The following NDRG2 variants were observed in gnomAD, a reference collection of about 807,000 sequenced individuals.
NDRG2 encodes the protein protein NDRG2.
In NDRG2, 34 loss-of-function variants were observed where a neutral mutation model predicts 58.2. That is an observed-to-expected ratio of 0.58 (90% CI 0.44 to 0.78). NDRG2 has a LOEUF of 0.78. Among genes scored for constraint, NDRG2 ranks in the 30% least tolerant of loss-of-function variants. The pLI, the probability that NDRG2 is intolerant of heterozygous loss-of-function variation, is 0.00. For synonymous variants in NDRG2, 187 were observed against 175.9 expected (o/e 1.06, Z -0.50); for missense variants, 434 against 471.2 (o/e 0.92, Z 0.73).
intron 3 of NDRG2, 84 bp downstream of exon 3, chr14:21,022,780 A>C: frequency 7.3e-7 from 1 of 1,376,242 alleles, no homozygotes; most frequent in South Asian, 1.3e-5. Flanking sequence ...CAAAGAGAGA[A>C]GAGAGGGCCA....
chr14:21,043,286 C>T (rs763258874), intron 1 of NDRG2: 39 of 1,614,096 alleles, frequency 2.4e-5, no homozygotes, highest in Non-Finnish European at 3.2e-5. Flanking sequence ...AAAACTGCCA[C>T]CAGAGCCACG....
At chr14:21,065,504 TGTG>T (rs1886215017) in intron 1 of NDRG2, among the ~76,000 whole-genome samples, 1 of 152,160 alleles carries the variant, frequency 6.6e-6, no homozygotes, top group Non-Finnish European at 1.5e-5. Context: ...TTAAATTATA[TGTG>T]GTAGAAAGGT....
In NDRG2 at chr14:21,022,735, G is replaced by T. The variant is rs141779232; in HGVS notation, c.117+129C>A. The T allele has an allele frequency of 1.4e-5, 12 of 859,706 alleles. No individual in the cohort carries two copies. The East Asian group carries it at 2.9e-4, about 21-fold the overall frequency. The allele number at this position is 859,706 out of a possible 1,614,324, so 53.3% of individuals were successfully genotyped here. On this transcript the variant is annotated intron_variant, in intron 3 of 15. Coordinates refer to ENST00000556147, the MANE Select transcript of NDRG2 (RefSeq NM_001320329.2). ...GGGAAGGAAGGAGAGGGGAGAGATA[G>T]GGAAGGGAAAGGACTAGAATAGAAG...
intron 1 of NDRG2, among the ~76,000 whole-genome samples, chr14:21,056,683 GA>G (rs568203229): frequency 1.5e-4 from 23 of 152,336 alleles, no homozygotes; most frequent in African/African-American, 5.5e-4. Flanking sequence ...GCTCCTATGG[GA>G]AACTCTTTCC....
chr14:21,054,359 C>CAT (rs1189920513), intron 1 of NDRG2, among the ~76,000 whole-genome samples: 1 of 151,926 alleles, frequency 6.6e-6, no homozygotes, highest in Non-Finnish European at 1.5e-5. Context: ...CACACACACA[C>CAT]ACACTGCTGA....
upstream of NDRG2, among the ~76,000 whole-genome samples, chr14:21,027,874 G>A (rs1156362374): frequency 6.6e-6 from 1 of 152,216 alleles, no homozygotes. Flanking sequence ...ACTTGAGTGG[G>A]AGTGAGGGGC....
intron 1 of NDRG2, chr14:21,057,809 T>C: frequency 5.8e-6 from 7 of 1,215,560 alleles, no homozygotes; most frequent in South Asian, 1.4e-5. Context: ...TATGAAATTC[T>C]TAGAAGGACT....
chr14:21,062,958 A>G (rs1226659526), intron 1 of NDRG2, among the ~76,000 whole-genome samples: 1 of 151,592 alleles, frequency 6.6e-6, no homozygotes, highest in East Asian at 1.9e-4. Context: ...TAAAAAAAAA[A>G]AAAAAAAAAT....
intron 1 of NDRG2, among the ~76,000 whole-genome samples, chr14:21,062,708 A>AGTGTGTGT (rs71416997): frequency 0.057 from 7,483 of 130,952 alleles, 256 homozygotes; most frequent in African/African-American, 0.068. Context: ...GGCTGGGCAC[A>AGTGTGTGT]GTGTGTGTGT....
intron 1 of NDRG2, among the ~76,000 whole-genome samples, chr14:21,053,221 A>G (rs1217661201): frequency 3.9e-5 from 6 of 152,162 alleles, no homozygotes; most frequent in Non-Finnish European, 8.8e-5. Flanking sequence ...ATTGGCTCAC[A>G]CCTGTAATAT....
At chr14:21,041,921 T>C (rs1330995173) in intron 1 of NDRG2, among the ~76,000 whole-genome samples, 3 of 152,182 alleles carry the variant, frequency 2.0e-5, no homozygotes, top group Non-Finnish European at 4.4e-5. Context: ...TATCTCCAGA[T>C]GACAAGGAAC....
chr14:21,025,702 C>T, upstream of NDRG2: 1 of 984,566 alleles, frequency 1.0e-6, no homozygotes, highest in Non-Finnish European at 1.2e-6. The surrounding 1 kb of genome is among the most constrained non-coding windows in gnomAD (Gnocchi z 5.1). Context: ...TGCGTCCCGA[C>T]GCCTGCTCTC....
In NDRG2 at chr14:21,017,426, A is replaced by G. The variant is rs761911681; in HGVS notation, c.*170T>C. Reference sequence around the variant, plus strand: ...ACATCTCTTCCAGGAGCTGGGGGGAATCACGGGTTAAAGGTCAAGGTTAGG... The same window carrying G: ...ACATCTCTTCCAGGAGCTGGGGGGAGTCACGGGTTAAAGGTCAAGGTTAGG... On this transcript the variant is annotated 3_prime_UTR_variant, in exon 16 of 16. Transcript: ENST00000556147. 6.8e-6 allele frequency: 5 copies of G among 737,524 alleles called. No homozygotes were observed. Among genetic ancestry groups the G allele is most frequent in the African/African-American group, 1.8e-5 (1 of 56,146 alleles). The allele number at this position is 737,524 out of a possible 1,614,324, so 45.7% of individuals were successfully genotyped here.
At chr14:21,018,672 A>G in intron 12 of NDRG2, 91 bp downstream of exon 12, 1 of 1,597,824 alleles carries the variant, frequency 6.3e-7, no homozygotes, top group Non-Finnish European at 8.5e-7. Context: ...CCCTGTGCCA[A>G]ACAGGACATC....
intron 1 of NDRG2, 90 bp downstream of exon 1, chr14:21,023,940 C>A: frequency 1.0e-6 from 1 of 984,806 alleles, no homozygotes. Context: ...GAATAAACTC[C>A]GCAAGTTCAA....
intron 1 of NDRG2, chr14:21,032,128 C>T (rs1466214170): frequency 6.4e-7 from 1 of 1,559,496 alleles, no homozygotes. Flanking sequence ...ATGTTTAACA[C>T]CAGGGAGCTT....
chr14:21,066,090 CT>C (rs1267280406), intron 1 of NDRG2, among the ~76,000 whole-genome samples: 2 of 152,052 alleles, frequency 1.3e-5, no homozygotes, highest in Admixed American at 6.6e-5. Flanking sequence ...CAGAGCAAGA[CT>C]TTTTTTCAAC....
chr14:21,068,894 A>G (rs1214294440), intron 1 of NDRG2, among the ~76,000 whole-genome samples: 1 of 152,222 alleles, frequency 6.6e-6, no homozygotes, highest in African/African-American at 2.4e-5. Context: ...TAGCGTCCAG[A>G]GGAGGTGAGA....
intron 1 of NDRG2, among the ~76,000 whole-genome samples, chr14:21,061,154 C>T (rs1382576483): frequency 6.6e-6 from 1 of 152,210 alleles, no homozygotes; most frequent in Non-Finnish European, 1.5e-5. Flanking sequence ...CCTAGGGTTT[C>T]ATTCATCCCA....
Sources: gnomAD v4.1 joint callset for allele counts (sites outside exome capture counted in the v4.1 genomes callset) on GRCh38, gnomAD v4.1.1 for gene constraint, Gnocchi (gnomAD v3.1) non-coding constraint, MANE v1.5 for transcripts, NCBI Gene and HGNC (gene_info 2026-07-23, HGNC 2026-07-21) for gene names.